DGAT2: variants seen among roughly 807,000 people sequenced by gnomAD.
DGAT2 encodes the protein diacylglycerol O-acyltransferase 2, also known as acyl-CoA retinol O-fatty-acyltransferase.
DGAT2 carries 33 observed loss-of-function variants against 48.4 expected under a neutral mutation model. The observed-to-expected ratio is 0.68, with a 90% CI of 0.52 to 0.91. The LOEUF (loss-of-function observed/expected upper bound fraction) is 0.91. DGAT2 is among the 40% of genes least tolerant of loss of function. The pLI, the probability that DGAT2 is intolerant of heterozygous loss-of-function variation, is 0.00. For missense variants in DGAT2, 446 were observed against 493.7 expected, an observed-to-expected ratio of 0.90 and a Z score of 0.92; for synonymous variants, 191 against 194.1, an observed-to-expected ratio of 0.98 and a Z score of 0.13.
chr11:75,781,987 A>G lies in DGAT2; in HGVS notation c.122-2631A>G, dbSNP rs184486837. Among the ~76,000 whole-genome samples the G allele has an allele frequency of 1.1e-3, 162 of 152,202 alleles. 1 individual carries two copies. Among genetic ancestry groups the G allele is most frequent in the Non-Finnish European group, 1.3e-3 (88 of 68,020 alleles). ...GGGATATGTCATCAGTGAAATTTCT[A>G]TACTCCTCCTCCAAGCTGCATGGGG... On this transcript the variant is annotated intron_variant, in intron 1 of 7. Coordinates refer to ENST00000228027, the MANE Select transcript of DGAT2 (RefSeq NM_032564.5).
chr11:75,782,443 G>T (rs760266948), intron 1 of DGAT2, among the ~76,000 whole-genome samples: 1 of 152,212 alleles, frequency 6.6e-6, no homozygotes, highest in Non-Finnish European at 1.5e-5. Context: ...GCCTGCCTCA[G>T]ATGGAACAGG....
In DGAT2 at chr11:75,796,311, C is replaced by T; in HGVS notation, c.430-17C>T. On this transcript the variant is annotated splice_polypyrimidine_tract_variant and intron_variant, in intron 4 of 7. Transcript: ENST00000228027. ...CTCTCCCAGCCAGTTTCCTCTGACC[C>T]AAGGTCATCCTTGCAGCTGGTGAAG... 1 of 1,611,220 alleles carries T rather than the reference C, an allele frequency of 6.2e-7. No individual in the cohort carries two copies.
In DGAT2 at chr11:75,798,377, C is replaced by T. The variant is rs1233696913; in HGVS notation, c.960C>T (p.Phe320=). 1.9e-6 allele frequency: 3 copies of T among 1,613,860 alleles called. No individual in the cohort carries two copies. The highest frequency in any genetic ancestry group is 2.5e-6 in the Non-Finnish European group (3 of 1,180,022). The change falls in exon 7 of 8, where the codon TTC becomes TTT. Residue 320 remains phenylalanine, a synonymous_variant. Coordinates refer to ENST00000228027, the MANE Select transcript of DGAT2 (RefSeq NM_032564.5). ...GCATCTTCCATGGTCGAGGCCTCTTCTCCTCCGACACCTGGGGGCTGGTGC... is the reference window on the plus strand; with the variant it reads ...GCATCTTCCATGGTCGAGGCCTCTTTTCCTCCGACACCTGGGGGCTGGTGC... ...APCIFHGRGL[F]SSDTWGLVPY... is the part of the protein sequence containing the mutation.
chr11:75,781,529 A>T (rs1944863575), intron 1 of DGAT2, among the ~76,000 whole-genome samples: 1 of 152,242 alleles, frequency 6.6e-6, no homozygotes, highest in Non-Finnish European at 1.5e-5. Context: ...TTCCCTCTCC[A>T]GGAGCCTCCC....
chr11:75,786,344 G>A (rs1944922646), intron 2 of DGAT2, among the ~76,000 whole-genome samples: 1 of 152,160 alleles, frequency 6.6e-6, no homozygotes, highest in South Asian at 2.1e-4. Flanking sequence ...TGAGAAGAAA[G>A]TACTGGGACC....
chr11:75,777,705 C>A (rs1191667507), intron 1 of DGAT2, among the ~76,000 whole-genome samples: 1 of 152,126 alleles, frequency 6.6e-6, no homozygotes, highest in African/African-American at 2.4e-5. Flanking sequence ...TGCCAGATGC[C>A]AGTATGGAGG....
At chr11:75,792,318 A>T (rs777012444) in intron 4 of DGAT2, 1 of 152,204 alleles carries the variant, frequency 6.6e-6, no homozygotes, top group Non-Finnish European at 1.5e-5. Flanking sequence ...ACAAAAGCCA[A>T]ACTGGGCCCG....
intron 2 of DGAT2, among the ~76,000 whole-genome samples, chr11:75,786,775 C>T (rs978644112): frequency 2.0e-5 from 3 of 152,222 alleles, no homozygotes; most frequent in Admixed American, 6.5e-5. Context: ...AAGCAAAGAC[C>T]GTGGTGGCCC....
intron 1 of DGAT2, among the ~76,000 whole-genome samples, chr11:75,779,671 C>A (rs1369406887): frequency 1.3e-5 from 2 of 152,326 alleles, no homozygotes; most frequent in African/African-American, 4.8e-5. Flanking sequence ...GCAAGTGCTG[C>A]CTGGGAGCAG....
chr11:75,794,482 T>C (rs995944043), intron 4 of DGAT2: 1 of 152,246 alleles, frequency 6.6e-6, no homozygotes, highest in African/African-American at 2.4e-5. Context: ...TATCCAGGAA[T>C]TGTATTTCTA....
At chr11:75,796,580 T>C in intron 5 of DGAT2, 48 bp downstream of exon 5, 1 of 1,577,688 alleles carries the variant, frequency 6.3e-7, no homozygotes, top group East Asian at 2.3e-5. Flanking sequence ...TGTCAAGGCC[T>C]GAGCCTCTCC....
Position 75,798,802 on chromosome 11 carries a change from GCTAA to G in DGAT2, c.1012+376_1012+379del, listed in dbSNP as rs1945083627. On this transcript the variant is annotated intron_variant, in intron 7 of 7. Transcript: ENST00000228027. ...CCAGGGAGGAGGTAACTCTTGCACT[GCTAA>G]CTGATAGGAATTATCTAGCAAAATA... is the stretch of plus-strand genomic sequence containing the variant. Among the ~76,000 whole-genome samples the G allele has an allele frequency of 2.6e-5, 4 of 152,200 alleles. No individual in the cohort carries two copies. In the South Asian group the frequency reaches 6.2e-4, roughly 24 times the overall value.
intron 1 of DGAT2, among the ~76,000 whole-genome samples, chr11:75,779,396 A>G (rs988881110): frequency 1.3e-5 from 2 of 152,156 alleles, no homozygotes; most frequent in African/African-American, 4.8e-5. Context: ...ACCTTCTTTA[A>G]GTCCTGGCTC....
intron 6 of DGAT2, among the ~76,000 whole-genome samples, chr11:75,797,619 ATTTTGCTG>A (rs1945071270): frequency 6.6e-6 from 1 of 152,052 alleles, no homozygotes; most frequent in Admixed American, 6.5e-5. Flanking sequence ...AGAATATATC[ATTTTGCTG>A]GGAGACCAGG....
At chr11:75,787,084 C>T (rs1944930459) in intron 2 of DGAT2, among the ~76,000 whole-genome samples, 1 of 151,962 alleles carries the variant, frequency 6.6e-6, no homozygotes, top group Non-Finnish European at 1.5e-5. Flanking sequence ...AAGATATCTG[C>T]AACTGCTACA....
At chr11:75,796,830 A>ATT (rs1216064286) in intron 5 of DGAT2, 2 of 481,164 alleles carry the variant, frequency 4.2e-6, no homozygotes, top group African/African-American at 1.9e-5. Flanking sequence ...TGGCACTGTA[A>ATT]TTGTCCACCT....
chr11:75,781,650 T>C (rs1006682115), intron 1 of DGAT2, among the ~76,000 whole-genome samples: 1 of 152,230 alleles, frequency 6.6e-6, no homozygotes, highest in Non-Finnish European at 1.5e-5. Context: ...GAGGGTTCAC[T>C]TGGTAGACTG....
intron 1 of DGAT2, among the ~76,000 whole-genome samples, chr11:75,770,918 A>C (rs1944750484): frequency 6.6e-6 from 1 of 151,964 alleles, no homozygotes; most frequent in Non-Finnish European, 1.5e-5. Context: ...GATTGGGTGG[A>C]GTAGGGGAGG....
chr11:75,769,256 T>C, intron 1 of DGAT2, 144 bp downstream of exon 1: 1 of 1,054,752 alleles, frequency 9.5e-7, no homozygotes, highest in Non-Finnish European at 1.3e-6. Flanking sequence ...TACATCGCTT[T>C]CCACCCGCCC....
Sources: gnomAD v4.1 joint callset for allele counts (sites outside exome capture counted in the v4.1 genomes callset) on GRCh38, gnomAD v4.1.1 for gene constraint, MANE v1.5 for transcripts, NCBI Gene and HGNC (gene_info 2026-07-23, HGNC 2026-07-21) for gene names.